The following DIAPH3 variants were observed in gnomAD, a reference collection of about 807,000 sequenced individuals.
DIAPH3 encodes the protein protein diaphanous homolog 3.
In DIAPH3, 117 loss-of-function variants were observed where a neutral mutation model predicts 144.3. The observed-to-expected ratio is 0.81, with a 90% confidence interval of 0.70 to 0.95. DIAPH3 has a LOEUF of 0.95. Ranked by LOEUF, DIAPH3 falls within the 40% of genes least tolerant of loss-of-function variation. DIAPH3 has a pLI of 0.00. For missense variants in DIAPH3, 1,421 were observed against 1,412.7 expected, an observed-to-expected ratio of 1.01 and a Z score of -0.09; for synonymous variants, 519 against 488.9, an observed-to-expected ratio of 1.06 and a Z score of -0.81.
At chr13:59,889,398 C>T (rs1398109868) in intron 20 of DIAPH3, among the ~76,000 whole-genome samples, 3 of 152,068 alleles carry the variant, frequency 2.0e-5, no homozygotes, top group Non-Finnish European at 4.4e-5. Flanking sequence ...ATTAAACCCA[C>T]ATACTAAAAT....
At chr13:59,838,282 G>A (rs2042143954) in intron 23 of DIAPH3, 1 of 152,048 alleles carries the variant, frequency 6.6e-6, no homozygotes. Context: ...GGAAATAAAA[G>A]TTTATTACTT....
rs566935214 is a variant in DIAPH3 at position 59,737,925 on chromosome 13, G to T, written c.3319+36264C>A. 3.0e-4 allele frequency among the ~76,000 whole-genome samples: 45 copies of T among 152,226 alleles called. No individual in the cohort carries two copies. The South Asian group carries it at 5.6e-3, about 19-fold the overall frequency. ...CTCATGGCTATAATCCCAGCACTTT[G>T]GGAGGCCGAGGTGGGTGCATCAGTT... is the stretch of plus-strand genomic sequence containing the variant. On this transcript the variant is annotated intron_variant, in intron 27 of 27. Coordinates refer to ENST00000400324, the MANE Select transcript of DIAPH3 (RefSeq NM_001042517.2).
intron 4 of DIAPH3, among the ~76,000 whole-genome samples, chr13:60,046,071 T>C (rs554825032): frequency 1.3e-5 from 2 of 152,320 alleles, no homozygotes; most frequent in Non-Finnish European, 2.9e-5. Context: ...GATTTAATTA[T>C]CTTCAAACAT....
At chr13:59,903,760 C>A (rs979510096) in intron 20 of DIAPH3, among the ~76,000 whole-genome samples, 7 of 152,120 alleles carry the variant, frequency 4.6e-5, no homozygotes, top group African/African-American at 1.7e-4. Flanking sequence ...TTTAAAAACA[C>A]TGTTTTCATT....
intron 22 of DIAPH3, among the ~76,000 whole-genome samples, chr13:59,852,545 G>C (rs1263332869): frequency 3.3e-5 from 5 of 152,298 alleles, no homozygotes; most frequent in Non-Finnish European, 7.4e-5. Context: ...ATAACGTGTT[G>C]CAGGCTGAAG....
At chr13:59,839,958 C>T (rs983167525) in intron 22 of DIAPH3, among the ~76,000 whole-genome samples, 2 of 152,116 alleles carry the variant, frequency 1.3e-5, no homozygotes, top group South Asian at 2.1e-4. Context: ...GCTTTCTTTG[C>T]TGATATCCTG....
At chr13:59,702,628 A>G (rs1203745502) in intron 27 of DIAPH3, among the ~76,000 whole-genome samples, 4 of 152,210 alleles carry the variant, frequency 2.6e-5, no homozygotes, top group Non-Finnish European at 5.9e-5. Flanking sequence ...CAGCAGTAGA[A>G]AAACCAAAGC....
chr13:60,071,232 A>G (rs913911871), intron 4 of DIAPH3, among the ~76,000 whole-genome samples: 2 of 152,116 alleles, frequency 1.3e-5, no homozygotes, highest in Non-Finnish European at 2.9e-5. Flanking sequence ...TTGACCCCAA[A>G]GTTTCCATTT....
At chr13:59,934,287 C>A (rs2048159971) in intron 17 of DIAPH3, among the ~76,000 whole-genome samples, 1 of 151,904 alleles carries the variant, frequency 6.6e-6, no homozygotes, top group East Asian at 1.9e-4. Flanking sequence ...TTCTGGTATG[C>A]CTTTAGCATA....
chr13:59,987,762 T>C (rs896845761), intron 12 of DIAPH3, among the ~76,000 whole-genome samples: 2 of 151,306 alleles, frequency 1.3e-5, no homozygotes, highest in African/African-American at 4.9e-5. Context: ...TCACTCATCA[T>C]TAGTACAGAG....
chr13:60,158,080 T>C (rs756619921), intron 1 of DIAPH3, among the ~76,000 whole-genome samples: 27 of 152,184 alleles, frequency 1.8e-4, no homozygotes, highest in Non-Finnish European at 7.4e-5. Flanking sequence ...GCTTCCCTTA[T>C]GCAAAAAGCT....
At chr13:59,827,415 A>T (rs2041502474) in intron 24 of DIAPH3, among the ~76,000 whole-genome samples, 1 of 152,080 alleles carries the variant, frequency 6.6e-6, no homozygotes, top group African/African-American at 2.4e-5. Flanking sequence ...TTGGTAGAAA[A>T]ATTATTTTGA....
At chr13:59,804,517 T>C (rs1389807836) in intron 25 of DIAPH3, among the ~76,000 whole-genome samples, 3 of 152,186 alleles carry the variant, frequency 2.0e-5, no homozygotes, top group African/African-American at 4.8e-5. Flanking sequence ...GTTATAAGTA[T>C]TACATGTAAT....
At chr13:59,880,092 A>C (rs2044910928) in intron 20 of DIAPH3, among the ~76,000 whole-genome samples, 1 of 152,154 alleles carries the variant, frequency 6.6e-6, no homozygotes, top group South Asian at 2.1e-4. Flanking sequence ...AAGCGGTGCA[A>C]ACCCACAAAT....
intron 3 of DIAPH3, among the ~76,000 whole-genome samples, chr13:60,108,160 T>A (rs943154091): frequency 6.6e-6 from 1 of 152,070 alleles, no homozygotes; most frequent in Non-Finnish European, 1.5e-5. Flanking sequence ...GGATATAATC[T>A]AATGGGAAGA....
chr13:59,910,606 A>G (rs2046949483), intron 20 of DIAPH3, among the ~76,000 whole-genome samples: 1 of 151,806 alleles, frequency 6.6e-6, no homozygotes, highest in Non-Finnish European at 1.5e-5. Flanking sequence ...TTGGCCACCT[A>G]TAATCCCAGC....
intron 2 of DIAPH3, among the ~76,000 whole-genome samples, chr13:60,112,919 A>G (rs574219580): frequency 6.6e-6 from 1 of 152,368 alleles, no homozygotes; most frequent in African/African-American, 2.4e-5. Context: ...CACAAGTTAT[A>G]TTGCTCACAA....
intron 14 of DIAPH3, among the ~76,000 whole-genome samples, chr13:59,974,854 T>TA (rs1201081430): frequency 1.3e-5 from 2 of 152,112 alleles, no homozygotes; most frequent in African/African-American, 4.8e-5. Context: ...TCTTGAAACT[T>TA]ATCTGAAGTA....
intron 5 of DIAPH3, among the ~76,000 whole-genome samples, chr13:60,026,503 C>T (rs899836252): frequency 2.6e-5 from 4 of 151,946 alleles, no homozygotes; most frequent in African/African-American, 4.8e-5. Flanking sequence ...AGGAAGACAA[C>T]GCATTATGAG....
Sources: allele counts gnomAD v4.1 joint callset (sites outside exome capture counted in the v4.1 genomes callset), GRCh38; gene constraint gnomAD v4.1.1; transcripts MANE v1.5; gene names NCBI Gene and HGNC (gene_info 2026-07-23, HGNC 2026-07-21).